MTCH2: variants seen among roughly 807,000 people sequenced by gnomAD.
The protein encoded by MTCH2 is mitochondrial carrier homolog 2.
A neutral mutation model predicts 50.6 loss-of-function variants in MTCH2; 25 were observed. That is an observed-to-expected ratio of 0.49 (90% CI 0.36 to 0.69). MTCH2 has a LOEUF of 0.69. MTCH2 is among the 30% of genes least tolerant of loss of function. The pLI is 0.00. For missense variants in MTCH2, 273 were observed against 384.4 expected (o/e 0.71, Z 2.42); for synonymous variants, 106 against 132.0 (o/e 0.80, Z 1.35).
Position 47,619,301 on chromosome 11 carries a change from A to G in MTCH2, c.826-382T>C, listed in dbSNP as rs369226890. On this transcript the variant is annotated intron_variant, in intron 12 of 12. Coordinates refer to ENST00000302503, the MANE Select transcript of MTCH2 (RefSeq NM_014342.4). ...GCCCAGGCTGTAGTGCAGTGGTGCAATCTCGGCTCACTGCAACCTCTGCCT... is the reference window on the plus strand; with the variant it reads ...GCCCAGGCTGTAGTGCAGTGGTGCAGTCTCGGCTCACTGCAACCTCTGCCT... 9.9e-5 allele frequency among the ~76,000 whole-genome samples: 15 copies of G among 152,230 alleles called. No individual in the cohort carries two copies. In the East Asian group the frequency reaches 2.7e-3, roughly 27 times the overall value.
downstream of MTCH2, among the ~76,000 whole-genome samples, chr11:47,617,143 A>G (rs911562260): frequency 6.6e-6 from 1 of 152,202 alleles, no homozygotes; most frequent in African/African-American, 2.4e-5. Context: ...CAGCTGGACT[A>G]GTATTTTGAG....
At chr11:47,635,148 G>A (rs1038064711) in intron 4 of MTCH2, among the ~76,000 whole-genome samples, 1 of 151,946 alleles carries the variant, frequency 6.6e-6, no homozygotes, top group Non-Finnish European at 1.5e-5. Context: ...ATGTGATCAT[G>A]GATCACTGCA....
At chr11:47,639,200 A>G in intron 1 of MTCH2, 149 bp from the exon 2 acceptor site, 1 of 679,442 alleles carries the variant, frequency 1.5e-6, no homozygotes, top group Non-Finnish European at 2.5e-6. Context: ...ATGAAGCATC[A>G]TTCTTGTAGG....
In MTCH2 at chr11:47,622,745, T is replaced by C. The variant is rs200729351; in HGVS notation, c.781A>G (p.Ile261Val). 1.2e-5 allele frequency: 20 copies of C among 1,611,916 alleles called. No individual in the cohort carries two copies. The highest frequency in any genetic ancestry group is 1.6e-4 in the Middle Eastern group (1 of 6,080). ...CAACAGTCTATCCAAGACGTATATATTGGGGAGTAAGGAGGGCATCCACCA... is the reference window on the plus strand; with the variant it reads ...CAACAGTCTATCCAAGACGTATATACTGGGGAGTAAGGAGGGCATCCACCA... ...LAGGCPPYSP[I>V]YTSWIDCWCM... is the part of the protein sequence containing the mutation. Residue 261 changes from isoleucine (I) to valine (V), a missense_variant, in exon 12 of 13, where the codon ATA (isoleucine) becomes GTA (valine). By Grantham distance (29) the Ile-to-Val change is conservative (BLOSUM62 3). Coordinates refer to ENST00000302503, the MANE Select transcript of MTCH2 (RefSeq NM_014342.4).
At chr11:47,619,076 G>A (rs747194200) in intron 12 of MTCH2, among the ~76,000 whole-genome samples, 157 bp from the exon 13 acceptor site, 7 of 152,212 alleles carry the variant, frequency 4.6e-5, no homozygotes, top group Non-Finnish European at 1.0e-4. Flanking sequence ...CTGAAAGGCT[G>A]AGCTACTATG....
chr11:47,629,035 G>A lies in MTCH2; in HGVS notation c.551C>T (p.Pro184Leu), dbSNP rs768841873. Reference sequence around the variant, plus strand: ...AGAAAGGATGTCACCTAGAAGGCGAGGAACAAGACCCCTACATGAAGAAAC... The same window carrying A: ...AGAAAGGATGTCACCTAGAAGGCGAAGAACAAGACCCCTACATGAAGAAAC... The part of the protein sequence containing the change: ...GILGFFAGLV[P>L]RLLGDILSLW... Residue 184 changes from proline to leucine, a missense_variant, in exon 9 of 13, where the codon CCT becomes CTT. Pro to Leu is a moderately conservative substitution (Grantham distance 98). Coordinates refer to ENST00000302503, the MANE Select transcript of MTCH2 (RefSeq NM_014342.4). 1 of 1,613,378 alleles carries A rather than the reference G, an allele frequency of 6.2e-7. No homozygotes were observed. Among genetic ancestry groups the A allele is most frequent in the Non-Finnish European group, 8.5e-7 (1 of 1,179,654 alleles).
intron 8 of MTCH2, among the ~76,000 whole-genome samples, chr11:47,630,157 T>C (rs2097301744): frequency 6.6e-6 from 1 of 152,022 alleles, no homozygotes; most frequent in Non-Finnish European, 1.5e-5. Flanking sequence ...GCCTCCCGAG[T>C]AGCTGGGATT....
chr11:47,609,626 CAAAAAAAAA>C, the MTCH2 span, among the ~76,000 whole-genome samples: 31,170 of 89,510 alleles, frequency 0.35, 3,839 homozygotes, highest in Admixed American at 0.45. Flanking sequence ...GACTCTGTCT[CAAAAAAAAA>C]AAAAAAAAAA....
chr11:47,609,020 G>A, the MTCH2 span, among the ~76,000 whole-genome samples: 1 of 147,128 alleles, frequency 6.8e-6, no homozygotes, highest in Non-Finnish European at 1.5e-5. Flanking sequence ...TGTTACTTGG[G>A]AGGCTGAGGC....
At chr11:47,608,492 T>C in the MTCH2 span, among the ~76,000 whole-genome samples, 1 of 152,166 alleles carries the variant, frequency 6.6e-6, no homozygotes, top group South Asian at 2.1e-4. Flanking sequence ...TTACACCCAC[T>C]TTCTATTTAT....
chr11:47,617,284 A>G (rs764684789), downstream of MTCH2: 4 of 152,218 alleles, frequency 2.6e-5, no homozygotes, highest in Non-Finnish European at 5.9e-5. Context: ...GGCAAGCATG[A>G]AAGTTCACAG....
At chr11:47,619,559 T>C (rs942159013) in intron 12 of MTCH2, among the ~76,000 whole-genome samples, 6 of 152,128 alleles carry the variant, frequency 3.9e-5, no homozygotes, top group Admixed American at 6.5e-5. Context: ...TGAAATGAAA[T>C]CATGTTTCTA....
intron 1 of MTCH2, among the ~76,000 whole-genome samples, chr11:47,640,777 GC>G (rs1409021337): frequency 6.6e-6 from 1 of 151,278 alleles, no homozygotes; most frequent in Non-Finnish European, 1.5e-5. Context: ...GGGCTACTTG[GC>G]AACACATAGA....
At chr11:47,607,340 A>AAAC in the MTCH2 span, among the ~76,000 whole-genome samples, 2 of 152,104 alleles carry the variant, frequency 1.3e-5, no homozygotes, top group African/African-American at 4.8e-5. Flanking sequence ...CTTTCTATTA[A>AAAC]AACTGTTTCT....
intron 12 of MTCH2, 57 bp from the exon 13 acceptor site, chr11:47,618,976 A>G (rs888001706): frequency 6.6e-7 from 1 of 1,506,208 alleles, no homozygotes; most frequent in African/African-American, 1.4e-5. Flanking sequence ...AGATCAGCCA[A>G]TCCAAATCAG....
At chr11:47,605,282 G>A in the MTCH2 span, among the ~76,000 whole-genome samples, 2 of 152,064 alleles carry the variant, frequency 1.3e-5, no homozygotes, top group Non-Finnish European at 2.9e-5. Context: ...ACAAGAGGTG[G>A]GGAGAGCCAC....
At chr11:47,610,533 C>T in the MTCH2 span, among the ~76,000 whole-genome samples, 1 of 151,934 alleles carries the variant, frequency 6.6e-6, no homozygotes, top group African/African-American at 2.4e-5. Context: ...GGCAAAACCC[C>T]GTCTCTACTA....
At chr11:47,626,070 G>C (rs1018354489) in intron 10 of MTCH2, among the ~76,000 whole-genome samples, 1 of 152,020 alleles carries the variant, frequency 6.6e-6, no homozygotes, top group South Asian at 2.1e-4. Context: ...GAGTGTAATG[G>C]TGTGATATTG....
At chr11:47,610,362 A>G in the MTCH2 span, among the ~76,000 whole-genome samples, 1 of 152,018 alleles carries the variant, frequency 6.6e-6, no homozygotes, top group African/African-American at 2.4e-5. Flanking sequence ...TAAAATTCTA[A>G]TAACTATCAC....
Sources: allele counts gnomAD v4.1 joint callset (sites outside exome capture counted in the v4.1 genomes callset), GRCh38; gene constraint gnomAD v4.1.1; transcripts MANE v1.5; gene names NCBI Gene and HGNC (gene_info 2026-07-23, HGNC 2026-07-21).